PTPRG: variants seen among roughly 807,000 people sequenced by gnomAD.
The protein encoded by PTPRG is receptor-type tyrosine-protein phosphatase gamma.
In PTPRG, 102 loss-of-function variants were observed where a neutral mutation model predicts 165.3. That is an observed-to-expected ratio of 0.62 (90% CI 0.53 to 0.73). PTPRG has a LOEUF of 0.73. PTPRG is among the 30% of genes least tolerant of loss of function. The probability of loss-of-function intolerance (pLI) is 0.00; values close to 1 mark genes in which losing one functional copy is unlikely to be tolerated. For synonymous variants in PTPRG, 675 were observed against 669.5 expected (o/e 1.01, Z -0.13); for missense variants, 1,866 against 1,861.4 (o/e 1.00, Z -0.05).
intron 1 of PTPRG, among the ~76,000 whole-genome samples, chr3:61,673,243 T>A (rs1310569983): frequency 6.6e-6 from 1 of 152,240 alleles, no homozygotes; most frequent in East Asian, 1.9e-4. Flanking sequence ...AAATTGTTCC[T>A]GCATGTGAAT....
intron 2 of PTPRG, among the ~76,000 whole-genome samples, chr3:61,829,051 T>TGC (rs1381837546): frequency 6.6e-6 from 1 of 152,180 alleles, no homozygotes; most frequent in Non-Finnish European, 1.5e-5. Flanking sequence ...TGTATGTGTG[T>TGC]GCATGAGCTT....
Position 61,801,311 on chromosome 3 carries a change from A to AT in PTPRG, c.190+52346dup, listed in dbSNP as rs745926597. Among the ~76,000 whole-genome samples the AT allele has an allele frequency of 9.2e-3, 1,292 of 141,056 alleles. 12 individuals carry two copies. The highest frequency in any genetic ancestry group is 0.024 in the South Asian group (104 of 4,412). 92.5% of individuals were successfully genotyped at this position (141,056 alleles called of 152,430 possible). ...GCGCACACGCATATGTGTGTGTGTA[A>AT]TTTTTTTTTTTTTTTTTGAGACAGT... On this transcript the variant is annotated intron_variant, in intron 2 of 29. Transcript: ENST00000474889.
intron 1 of PTPRG, among the ~76,000 whole-genome samples, chr3:61,565,446 C>G (rs1559505373): frequency 6.6e-6 from 1 of 152,128 alleles, no homozygotes; most frequent in Non-Finnish European, 1.5e-5. Flanking sequence ...CTCATCTCTT[C>G]CTCCCCAACA....
intron 1 of PTPRG, 100 bp from the exon 2 acceptor site, chr3:61,748,778 C>G: frequency 1.1e-6 from 1 of 887,238 alleles, no homozygotes; most frequent in Non-Finnish European, 1.8e-6. Flanking sequence ...TCCTCAAGGA[C>G]TATGATTCTA....
Position 62,222,384 on chromosome 3 carries a change from G to C in PTPRG, c.2288+3401G>C, listed in dbSNP as rs1248831553. Among the ~76,000 whole-genome samples, 4 of 152,170 alleles carry C rather than the reference G, an allele frequency of 2.6e-5. No homozygotes were observed. Among genetic ancestry groups the C allele is most frequent in the African/African-American group, 9.7e-5 (4 of 41,442 alleles). On this transcript the variant is annotated intron_variant, in intron 13 of 29. Coordinates refer to ENST00000474889, the MANE Select transcript of PTPRG (RefSeq NM_002841.4). The surrounding 1 kb of genome is among the most constrained non-coding windows in gnomAD (Gnocchi z 4.5). ...GCTCAAGCAGGCCCTCTGCCTGTTTGTACAGAGCAGCCTCTGGCCATGTTA... is the reference window on the plus strand; with the variant it reads ...GCTCAAGCAGGCCCTCTGCCTGTTTCTACAGAGCAGCCTCTGGCCATGTTA...
chr3:62,094,507 A>G (rs1172636323), intron 5 of PTPRG, among the ~76,000 whole-genome samples: 2 of 152,202 alleles, frequency 1.3e-5, no homozygotes, highest in African/African-American at 2.4e-5. Context: ...ACCTCCAGAC[A>G]TTCCGTTGAA....
At chr3:62,004,114 G>A (rs1473355373) in intron 4 of PTPRG, among the ~76,000 whole-genome samples, 1 of 152,142 alleles carries the variant, frequency 6.6e-6, no homozygotes, top group Non-Finnish European at 1.5e-5. Flanking sequence ...GGGTGAGGGC[G>A]GGAGCATGTC....
At chr3:62,083,615 A>G (rs1436221422) in intron 5 of PTPRG, among the ~76,000 whole-genome samples, 2 of 152,206 alleles carry the variant, frequency 1.3e-5, no homozygotes, top group Non-Finnish European at 2.9e-5. Flanking sequence ...TTCACAGAAC[A>G]ATTTCATTGG....
intron 2 of PTPRG, among the ~76,000 whole-genome samples, chr3:61,787,809 C>T (rs2034754390): frequency 6.6e-6 from 1 of 152,158 alleles, no homozygotes. Flanking sequence ...CGGGAATTAC[C>T]TTCTTAGGTA....
At chr3:61,992,067 A>C (rs886282042) in intron 3 of PTPRG, among the ~76,000 whole-genome samples, 5 of 152,206 alleles carry the variant, frequency 3.3e-5, no homozygotes, top group African/African-American at 9.6e-5. Flanking sequence ...TCAGAAGCAC[A>C]GTGTTCTGAG....
Position 62,271,023 on chromosome 3 carries a change from C to T in PTPRG, c.3010-360C>T, listed in dbSNP as rs1465688270. On this transcript the variant is annotated intron_variant, in intron 20 of 29. Transcript: ENST00000474889. The surrounding 1 kb of genome is among the most constrained non-coding windows in gnomAD (Gnocchi z 4.1). The stretch of plus-strand genomic sequence containing the variant: ...GAATGGGAATCACAGCCCACAGAGA[C>T]ATGAAAGCAAAGTACTAAGATCTGG... Among the ~76,000 whole-genome samples, 1 of 152,112 alleles carries T rather than the reference C, an allele frequency of 6.6e-6. No individual in the cohort carries two copies. Among genetic ancestry groups the T allele is most frequent in the Non-Finnish European group, 1.5e-5 (1 of 68,032 alleles).
chr3:61,787,770 A>T (rs2034752821), intron 2 of PTPRG, among the ~76,000 whole-genome samples: 1 of 152,186 alleles, frequency 6.6e-6, no homozygotes, highest in Admixed American at 6.5e-5. Flanking sequence ...TATTGACTTG[A>T]TGGGCTGTAA....
At chr3:62,267,930 G>A in intron 19 of PTPRG, 111 bp downstream of exon 19, 3 of 1,258,766 alleles carry the variant, frequency 2.4e-6, no homozygotes, top group South Asian at 1.5e-5. Flanking sequence ...TTACGGAAAT[G>A]AAAAGTGTTC....
chr3:62,224,701 C>A lies in PTPRG; in HGVS notation c.2288+5718C>A, dbSNP rs565621817. 6.6e-6 allele frequency among the ~76,000 whole-genome samples: 1 copy of A among 152,300 alleles called. No homozygotes were observed. The highest frequency in any genetic ancestry group is 2.4e-5 in the African/African-American group (1 of 41,578). On this transcript the variant is annotated intron_variant, in intron 13 of 29. Coordinates refer to ENST00000474889, the MANE Select transcript of PTPRG (RefSeq NM_002841.4). This position sits in a 1 kb window ranked among gnomAD's most constrained non-coding sequence, Gnocchi z 4.9. ...AAACCATGAGCAGAAACCTCGGATA[C>A]CTGTATGTCTGAGAGACCTCAGACA...
intron 4 of PTPRG, among the ~76,000 whole-genome samples, chr3:62,010,370 T>TTGTGTG (rs35894531): frequency 0.17 from 25,373 of 149,452 alleles, 2,255 homozygotes; most frequent in Admixed American, 0.24. Flanking sequence ...CCCTCTCTTC[T>TTGTGTG]TGTGTGTGTG....
At chr3:62,263,880 A>C (rs1701774335) in intron 17 of PTPRG, 1 of 151,806 alleles carries the variant, frequency 6.6e-6, no homozygotes, top group Non-Finnish European at 1.5e-5. Context: ...GGGCACAGTG[A>C]CTCACGCCTG....
chr3:62,165,075 C>G (rs1033844641), intron 7 of PTPRG, among the ~76,000 whole-genome samples: 1 of 152,130 alleles, frequency 6.6e-6, no homozygotes, highest in South Asian at 2.1e-4. Context: ...TAATTTAAGC[C>G]AATTTCCGTT....
intron 2 of PTPRG, among the ~76,000 whole-genome samples, chr3:61,868,540 C>T (rs1406221344): frequency 6.6e-6 from 1 of 152,162 alleles, no homozygotes; most frequent in Non-Finnish European, 1.5e-5. Flanking sequence ...TGTTCACTTT[C>T]CCCCTTCCAA....
intron 3 of PTPRG, among the ~76,000 whole-genome samples, chr3:61,993,963 C>G (rs1311453614): frequency 6.6e-6 from 1 of 152,172 alleles, no homozygotes; most frequent in African/African-American, 2.4e-5. Flanking sequence ...TGCTATATAT[C>G]CTATCCAGCA....
Sources: gnomAD v4.1 joint callset for allele counts (sites outside exome capture counted in the v4.1 genomes callset) on GRCh38, gnomAD v4.1.1 for gene constraint, Gnocchi (gnomAD v3.1) non-coding constraint, MANE v1.5 for transcripts, NCBI Gene and HGNC (gene_info 2026-07-23, HGNC 2026-07-21) for gene names.